Variants in CLTA observed in about 807,000 individuals in gnomAD.
The protein encoded by CLTA is clathrin, light polypeptide (Lca).
CLTA carries 9 observed loss-of-function variants against 26.9 expected under a neutral mutation model. The observed-to-expected ratio is 0.33, with a 90% CI of 0.20 to 0.58. CLTA has a LOEUF of 0.58. CLTA is among the 20% of genes least tolerant of loss of function. The pLI is 0.85. For synonymous variants in CLTA, 120 were observed against 115.5 expected (o/e 1.04, Z -0.25); for missense variants, 278 against 294.2 (o/e 0.94, Z 0.40).
chr9:36,191,592 T>C (rs1826725533), intron 1 of CLTA, among the ~76,000 whole-genome samples: 1 of 152,226 alleles, frequency 6.6e-6, no homozygotes, highest in Non-Finnish European at 1.5e-5. Context: ...GTCCGGTCTC[T>C]GAAGCAACCG....
chr9:36,192,669 G>A (rs1218390815), intron 1 of CLTA, among the ~76,000 whole-genome samples: 1 of 126,028 alleles, frequency 7.9e-6, no homozygotes, highest in African/African-American at 3.8e-5. Flanking sequence ...TAGACCCTTA[G>A]TTTAACCTTC....
At chr9:36,208,173 T>C (rs1827828818) in intron 4 of CLTA, among the ~76,000 whole-genome samples, 1 of 152,150 alleles carries the variant, frequency 6.6e-6, no homozygotes. Flanking sequence ...CCAAATCGAC[T>C]TGACAAAGGA....
At chr9:36,208,844 T>C (rs1827871681) in intron 4 of CLTA, among the ~76,000 whole-genome samples, 1 of 152,174 alleles carries the variant, frequency 6.6e-6, no homozygotes, top group Admixed American at 6.5e-5. Flanking sequence ...GCTGCCACTG[T>C]GGTGTAGCTG....
intron 1 of CLTA, 31 bp downstream of exon 1, chr9:36,191,304 G>A (rs1826700749): frequency 1.4e-6 from 2 of 1,481,082 alleles, no homozygotes; most frequent in South Asian, 2.6e-5. Flanking sequence ...GGGGCGAGAG[G>A]ACTTGTCTGG....
chr9:36,201,035 G>C (rs1450492547), intron 3 of CLTA, among the ~76,000 whole-genome samples: 1 of 152,172 alleles, frequency 6.6e-6, no homozygotes, highest in Admixed American at 6.5e-5. Context: ...AGCTCTAGCA[G>C]TTTTTCTTCT....
At chr9:36,196,106 GT>G (rs1353639084) in intron 1 of CLTA, among the ~76,000 whole-genome samples, 3 of 151,732 alleles carry the variant, frequency 2.0e-5, no homozygotes, top group Non-Finnish European at 4.4e-5. Flanking sequence ...TGAAACCCCC[GT>G]CTCTACTAAA....
chr9:36,198,827 C>G (rs888755424), intron 2 of CLTA, 152 bp from the exon 3 acceptor site: 2 of 509,130 alleles, frequency 3.9e-6, no homozygotes, highest in South Asian at 4.0e-5. Flanking sequence ...GAGCCGAGAT[C>G]GTGCCACTGC....
chr9:36,208,679 G>A (rs933180207), intron 4 of CLTA, among the ~76,000 whole-genome samples: 7 of 152,200 alleles, frequency 4.6e-5, no homozygotes, highest in African/African-American at 1.7e-4. Flanking sequence ...GGGTCCTAGC[G>A]CATCTGGTGT....
At chr9:36,209,522 C>T (rs1361897418) in intron 4 of CLTA, among the ~76,000 whole-genome samples, 2 of 152,080 alleles carry the variant, frequency 1.3e-5, no homozygotes, top group Non-Finnish European at 2.9e-5. Flanking sequence ...CCTCTGATGG[C>T]CATTTTTCAT....
chr9:36,211,931 A>G lies in CLTA; in HGVS notation c.*157A>G, dbSNP rs750031464. On this transcript the variant is annotated 3_prime_UTR_variant, in exon 5 of 5. Transcript: ENST00000345519. ...TGTGATTGCATGTTTCCTTCCTTCA[A>G]CTGTGTTCTCCCTGGCATTCAGAGA... 131 of 725,938 alleles carry G rather than the reference A, an allele frequency of 1.8e-4. No homozygotes were observed. The highest frequency in any genetic ancestry group is 2.8e-4 in the Non-Finnish European group (120 of 426,708). The allele number at this position is 725,938 out of a possible 1,614,324, so 45.0% of individuals were successfully genotyped here.
At chr9:36,204,500 C>T (rs1485106496) in intron 4 of CLTA, among the ~76,000 whole-genome samples, 1 of 152,114 alleles carries the variant, frequency 6.6e-6, no homozygotes, top group Non-Finnish European at 1.5e-5. Context: ...TGAATACACC[C>T]AGATCTAGTT....
intron 4 of CLTA, among the ~76,000 whole-genome samples, chr9:36,205,887 G>T (rs1160966741): frequency 6.6e-6 from 1 of 151,140 alleles, no homozygotes; most frequent in Admixed American, 6.6e-5. Flanking sequence ...AGCCTCCCGA[G>T]TAGCTGGGAC....
At chr9:36,197,636 C>G (rs760171651) in intron 2 of CLTA, 48 bp downstream of exon 2, 5 of 1,424,428 alleles carry the variant, frequency 3.5e-6, no homozygotes, top group Admixed American at 3.7e-5. Context: ...GAGAATCTTC[C>G]TTTCCTGTGA....
chr9:36,210,822 G>A (rs138616446), intron 4 of CLTA, among the ~76,000 whole-genome samples: 90 of 152,282 alleles, frequency 5.9e-4, no homozygotes, highest in African/African-American at 2.1e-3. Flanking sequence ...CTTTGCCCGT[G>A]ATGCTTGTTG....
At chr9:36,211,080 T>C (rs947715271) in intron 4 of CLTA, among the ~76,000 whole-genome samples, 1 of 152,234 alleles carries the variant, frequency 6.6e-6, no homozygotes, top group Non-Finnish European at 1.5e-5. Flanking sequence ...CCAGAATGGC[T>C]TTAGTCTCTA....
chr9:36,207,890 CTGCCT>C (rs1330811996), intron 4 of CLTA, among the ~76,000 whole-genome samples: 1 of 152,194 alleles, frequency 6.6e-6, no homozygotes, highest in African/African-American at 2.4e-5. Flanking sequence ...ATAAGCCAGC[CTGCCT>C]TGCCTTTTCC....
intron 4 of CLTA, among the ~76,000 whole-genome samples, chr9:36,207,816 G>A (rs937007487): frequency 6.6e-6 from 1 of 152,166 alleles, no homozygotes; most frequent in African/African-American, 2.4e-5. Flanking sequence ...TTCTTGTGGA[G>A]GGAAACCCAA....
Position 36,204,079 on chromosome 9 carries a change from C to T in CLTA, c.385C>T (p.Arg129Trp), listed in dbSNP as rs759587991. ...ERLEALDANS[R>W]KQEAEWKEKA... is the part of the protein sequence containing the mutation. ...CTCTCCCTTCAAAGATGCCAATTCT[C>T]GGAAGCAAGAAGCAGAGTGGAAAGA... is the stretch of plus-strand genomic sequence containing the variant. Residue 129 changes from arginine (R) to tryptophan (W), a missense_variant, in exon 4 of 5, where the codon CGG becomes TGG. Transcript: ENST00000345519. The T allele has an allele frequency of 9.9e-6, 16 of 1,613,990 alleles. No individual in the cohort carries two copies. Among genetic ancestry groups the T allele is most frequent in the Middle Eastern group, 1.6e-4 (1 of 6,062 alleles).
chr9:36,198,050 G>T (rs1461932211), intron 2 of CLTA, among the ~76,000 whole-genome samples: 1 of 139,964 alleles, frequency 7.1e-6, no homozygotes, highest in Non-Finnish European at 1.5e-5. Flanking sequence ...AGGCTAGAGT[G>T]CAGTGGCACG....
Sources: allele counts gnomAD v4.1 joint callset (sites outside exome capture counted in the v4.1 genomes callset), GRCh38; gene constraint gnomAD v4.1.1; transcripts MANE v1.5; gene names NCBI Gene and HGNC (gene_info 2026-07-23, HGNC 2026-07-21).